ANKS1B: variants seen among roughly 807,000 people sequenced by gnomAD.
The protein encoded by ANKS1B is ankyrin repeat and sterile alpha motif domain containing 1B, also known as ankyrin repeat and sterile alpha motif domain-containing protein 1B.
A neutral mutation model predicts 148.3 loss-of-function variants in ANKS1B; 36 were observed. The observed-to-expected ratio is 0.24, with a 90% CI of 0.19 to 0.32. The LOEUF (loss-of-function observed/expected upper bound fraction) is 0.32. Among genes scored for constraint, ANKS1B ranks in the 10% least tolerant of loss-of-function variants. ANKS1B has a pLI of 1.00. For missense variants in ANKS1B, 1,157 were observed against 1,542.6 expected (o/e 0.75, Z 4.19); for synonymous variants, 542 against 560.8 (o/e 0.97, Z 0.47).
At chr12:99,528,914 T>G (rs563413089) in intron 9 of ANKS1B, among the ~76,000 whole-genome samples, 2 of 152,200 alleles carry the variant, frequency 1.3e-5, no homozygotes, top group Non-Finnish European at 2.9e-5. Context: ...TATTCTCTTT[T>G]GCTTTGCTTG....
chr12:99,369,792 G>A (rs201072187), intron 12 of ANKS1B, among the ~76,000 whole-genome samples: 15,950 of 68,060 alleles, frequency 0.23, 863 homozygotes, highest in African/African-American at 0.3. Context: ...ATAGATAGAT[G>A]GACGGACGGA....
downstream of ANKS1B, among the ~76,000 whole-genome samples, chr12:98,739,292 C>A (rs947131857): frequency 6.6e-6 from 1 of 152,226 alleles, no homozygotes; most frequent in African/African-American, 2.4e-5. Flanking sequence ...TCGGAGAAGG[C>A]ATCAGATGCT....
rs1182264550 is a variant in ANKS1B, at chr12:98,769,165, C to CTTTTTTTTTTTTTTTTTTTTTTTTTTT, written c.3579+3850_3579+3876dup. Among the ~76,000 whole-genome samples the CTTTTTTTTTTTTTTTTTTTTTTTTTTT allele has an allele frequency of 4.9e-5, 2 of 41,216 alleles. 1 individual carries two copies. Among genetic ancestry groups the CTTTTTTTTTTTTTTTTTTTTTTTTTTT allele is most frequent in the Non-Finnish European group, 8.7e-5 (2 of 22,918 alleles). 27.0% of individuals were successfully genotyped at this position (41,216 alleles called of 152,430 possible). On this transcript the variant is annotated intron_variant, in intron 25 of 26. Coordinates refer to ENST00000683438, the MANE Select transcript of ANKS1B (RefSeq NM_001352186.2). ...TTGAGGTATTATAGGGTCTTCTTTA[C>CTTTTTTTTTTTTTTTTTTTTTTTTTTT]TTTTTTTTTTTTTTTTTTTTTTTTT...
intron 1 of ANKS1B, among the ~76,000 whole-genome samples, chr12:99,854,429 T>C (rs1271657580): frequency 6.6e-6 from 1 of 152,158 alleles, no homozygotes; most frequent in Non-Finnish European, 1.5e-5. Flanking sequence ...GAATAATTGG[T>C]GTTCCCAAGG....
chr12:99,862,099 A>G (rs1369720920), intron 1 of ANKS1B, among the ~76,000 whole-genome samples: 1 of 152,208 alleles, frequency 6.6e-6, no homozygotes, highest in Non-Finnish European at 1.5e-5. Context: ...CTGAATTTTT[A>G]GAGGGGTGTT....
intron 25 of ANKS1B, among the ~76,000 whole-genome samples, chr12:98,768,413 G>A (rs1260426754): frequency 1.4e-5 from 2 of 142,796 alleles, no homozygotes; most frequent in Admixed American, 7.1e-5. Context: ...GGCCACCCCT[G>A]TGGGGTGCTC....
At chr12:98,739,628 C>G (rs1156821167), downstream of ANKS1B, among the ~76,000 whole-genome samples, 1 of 151,756 alleles carries the variant, frequency 6.6e-6, no homozygotes, top group East Asian at 1.9e-4. Context: ...CTGTCTTCTG[C>G]CATCTTGATT....
At chr12:99,595,600 C>T (rs1404555891) in intron 9 of ANKS1B, among the ~76,000 whole-genome samples, 1 of 151,736 alleles carries the variant, frequency 6.6e-6, no homozygotes, top group African/African-American at 2.4e-5. Context: ...AAATTAACAC[C>T]ATCATAGTCT....
At chr12:99,957,065 C>G (rs978297397) in intron 1 of ANKS1B, among the ~76,000 whole-genome samples, 7 of 152,194 alleles carry the variant, frequency 4.6e-5, no homozygotes, top group African/African-American at 1.4e-4. Flanking sequence ...TCAACCTCTT[C>G]TAGGCTGAAG....
intron 17 of ANKS1B, among the ~76,000 whole-genome samples, chr12:98,967,039 AAT>A (rs1220261163): frequency 6.6e-6 from 1 of 152,138 alleles, no homozygotes; most frequent in Non-Finnish European, 1.5e-5. Context: ...AAAGTATAAG[AAT>A]AAAAAAAAAT....
chr12:99,334,587 C>T (rs2152297044), intron 12 of ANKS1B, among the ~76,000 whole-genome samples: 1 of 152,152 alleles, frequency 6.6e-6, no homozygotes, highest in East Asian at 1.9e-4. Context: ...TGCACACCAC[C>T]ATAGAAATGC....
intron 10 of ANKS1B, among the ~76,000 whole-genome samples, 164 bp from the exon 11 acceptor site, chr12:99,443,973 C>T (rs1274232274): frequency 6.6e-6 from 1 of 151,852 alleles, no homozygotes; most frequent in Admixed American, 6.6e-5. Context: ...AAAGATAATG[C>T]TTTTTGAATG....
chr12:99,356,160 A>T (rs1250091828), intron 12 of ANKS1B, among the ~76,000 whole-genome samples: 1 of 152,130 alleles, frequency 6.6e-6, no homozygotes, highest in African/African-American at 2.4e-5. Flanking sequence ...TAGATGCCCA[A>T]CGAAGACGCT....
intron 8 of ANKS1B, among the ~76,000 whole-genome samples, chr12:99,710,391 T>C (rs1371135673): frequency 6.6e-6 from 1 of 152,128 alleles, no homozygotes; most frequent in Non-Finnish European, 1.5e-5. Flanking sequence ...GAAATAGCTG[T>C]TGGTGTTCTG....
At chr12:99,369,794 ACGGACG>A (rs2093009714) in intron 12 of ANKS1B, among the ~76,000 whole-genome samples, 7 of 151,128 alleles carry the variant, frequency 4.6e-5, no homozygotes, top group East Asian at 3.9e-4. Context: ...AGATAGATGG[ACGGACG>A]GACAGACGGA....
At chr12:98,838,434 A>G (rs1268392918) in intron 17 of ANKS1B, among the ~76,000 whole-genome samples, 1 of 150,980 alleles carries the variant, frequency 6.6e-6, no homozygotes, top group African/African-American at 2.4e-5. Flanking sequence ...AAACCCACAT[A>G]ATGTTCCTCA....
intron 4 of ANKS1B, among the ~76,000 whole-genome samples, chr12:99,786,231 G>T (rs1459485679): frequency 6.6e-6 from 1 of 151,996 alleles, no homozygotes; most frequent in Non-Finnish European, 1.5e-5. Context: ...TCAGGATTGC[G>T]AGGGGAAAGA....
At chr12:99,138,761 C>A (rs1327833568) in intron 15 of ANKS1B, among the ~76,000 whole-genome samples, 1 of 152,112 alleles carries the variant, frequency 6.6e-6, no homozygotes, top group Non-Finnish European at 1.5e-5. Context: ...CATCTTTGTT[C>A]ATTGTTCCAT....
chr12:99,225,568 G>A (rs1371395531), intron 14 of ANKS1B, among the ~76,000 whole-genome samples: 2 of 152,118 alleles, frequency 1.3e-5, no homozygotes, highest in Admixed American at 1.3e-4. Flanking sequence ...GGGTGGGCAC[G>A]ATCTAATCAG....
Sources: allele counts gnomAD v4.1 joint callset (sites outside exome capture counted in the v4.1 genomes callset), GRCh38; gene constraint gnomAD v4.1.1; transcripts MANE v1.5; gene names NCBI Gene and HGNC (gene_info 2026-07-23, HGNC 2026-07-21).